The following MUC5AC variants were observed in gnomAD, a reference collection of about 807,000 sequenced individuals.
MUC5AC encodes mucin 5AC, oligomeric mucus/gel-forming, also known as mucin-5AC.
MUC5AC carries 158 observed loss-of-function variants against 169.7 expected under a neutral mutation model. That is an observed-to-expected ratio of 0.93 (90% confidence interval 0.82 to 1.06). The LOEUF (loss-of-function observed/expected upper bound fraction) is 1.06, where lower values mean the gene tolerates loss of function less well. MUC5AC is among the 50% of genes least tolerant of loss of function. The probability of loss-of-function intolerance (pLI) is 0.00; values close to 1 mark genes in which losing one functional copy is unlikely to be tolerated. For synonymous variants in MUC5AC, 1,975 were observed against 1,237.0 expected (o/e 1.60, Z -12.52); for missense variants, 4,359 against 3,089.9 (o/e 1.41, Z -9.74).
intron 11 of MUC5AC, 43 bp from the exon 12 acceptor site, chr11:1,167,834 G>A (rs1048366396): frequency 1.8e-5 from 27 of 1,511,758 alleles, no homozygotes; most frequent in Middle Eastern, 2.0e-4. Context: ...TGGGCTGGGC[G>A]TTGGATGGAG....
At chr11:1,158,181 G>T in intron 1 of MUC5AC, 109 bp downstream of exon 1, 1 of 993,046 alleles carries the variant, frequency 1.0e-6, no homozygotes, top group South Asian at 1.5e-5. Flanking sequence ...CATGTGCCAT[G>T]AACGGCTCCC....
At chr11:1,198,239 G>C in intron 42 of MUC5AC, 29 bp from the exon 43 acceptor site, 1 of 743,352 alleles carries the variant, frequency 1.3e-6, no homozygotes, top group Non-Finnish European at 2.5e-6. Context: ...GGCGGCGGGG[G>C]GTGCAGCTGC....
chr11:1,181,744 G>T (rs2133751495), intron 30 of MUC5AC, among the ~76,000 whole-genome samples: 1 of 152,344 alleles, frequency 6.6e-6, no homozygotes, highest in East Asian at 1.9e-4. Flanking sequence ...GGTGTCAGGG[G>T]TCTGGCAGCC....
rs569068445 is a variant in MUC5AC at position 1,192,057 on chromosome 11, G to C, written c.13912G>C (p.Asp4638His). 1.3e-6 allele frequency: 1 copy of C among 765,100 alleles called. No individual in the cohort carries two copies. The allele number at this position is 765,100 out of a possible 1,614,324, so 47.4% of individuals were successfully genotyped here. Residue 4638 changes from aspartate (D) to histidine (H), a missense_variant, in exon 31 of 49, where the codon GAC becomes CAC. Coordinates refer to ENST00000621226, the MANE Select transcript of MUC5AC (RefSeq NM_001304359.2). ...HPLCAWTKWFDVDFPSPGPHG... is the reference protein window; with the variant it reads ...HPLCAWTKWFHVDFPSPGPHG... ...TCTGTGCGCCTGGACAAAGTGGTTC[G>C]ACGTGGACTTCCCATCCCCTGGACC...
intron 12 of MUC5AC, 25 bp downstream of exon 12, chr11:1,168,012 C>A (rs1190744209): frequency 1.3e-6 from 2 of 1,537,830 alleles, no homozygotes; most frequent in East Asian, 2.4e-5. Flanking sequence ...GCAGGGCAAA[C>A]CCCGGGAAGA....
intron 1 of MUC5AC, among the ~76,000 whole-genome samples, chr11:1,159,329 G>A (rs749320948): frequency 3.9e-5 from 6 of 152,146 alleles, no homozygotes; most frequent in East Asian, 3.9e-4. Context: ...GGGCTGGGCC[G>A]GGCGCCCCTC....
Position 1,199,069 on chromosome 11 carries a change from T to G in MUC5AC, c.16297-18T>G. ...AGCGGTCGCCTGGATTCCAGCCACA[T>G]GTCCATCCCTCCCGCAGGGCTTCGA... On this transcript the variant is annotated intron_variant, in intron 44 of 48. Coordinates refer to ENST00000621226, the MANE Select transcript of MUC5AC (RefSeq NM_001304359.2). The G allele has an allele frequency of 1.3e-6, 1 of 763,900 alleles. No homozygotes were observed. The highest frequency in any genetic ancestry group is 2.4e-6 in the Non-Finnish European group (1 of 417,354). 47.3% of individuals were successfully genotyped at this position (763,900 alleles called of 1,614,324 possible).
At position 1,164,201 on chromosome 11, in the gene MUC5AC, C is replaced by T; in HGVS notation, c.885C>T (p.Leu295=). 1 of 1,612,618 alleles carries T rather than the reference C, an allele frequency of 6.2e-7. No individual in the cohort carries two copies. Among genetic ancestry groups the T allele is most frequent in the Middle Eastern group, 1.6e-4 (1 of 6,062 alleles). The change falls in exon 8 of 49, where the codon CTC becomes CTT. Residue 295 remains leucine, a synonymous_variant. Coordinates refer to ENST00000621226, the MANE Select transcript of MUC5AC (RefSeq NM_001304359.2). ...ACCTGGAGGCTTGCAGGCAAGACCTCTGCTTCTGTGAAGACACCGACCTGC... is the reference window on the plus strand; with the variant it reads ...ACCTGGAGGCTTGCAGGCAAGACCTTTGCTTCTGTGAAGACACCGACCTGC... ...GSYLEACRQD[L]CFCEDTDLLS... is the part of the protein sequence containing the mutation.
chr11:1,188,924 C>G lies in MUC5AC; in HGVS notation c.10779C>G (p.Gly3593=). The G allele has an allele frequency of 1.3e-6, 1 of 751,852 alleles. No individual in the cohort carries two copies. Among genetic ancestry groups the G allele is most frequent in the East Asian group, 2.4e-5 (1 of 41,142 alleles). 46.6% of individuals were successfully genotyped at this position (751,852 alleles called of 1,614,324 possible). The change falls in exon 31 of 49, where the codon GGC becomes GGG. Residue 3593 remains glycine, a synonymous_variant. Transcript: ENST00000621226. ...TGGTGCAGTGCAGCCGCGAAGAGGGCCTGGTGTGCCGGAACCAGGACCAGC... is the reference window on the plus strand; with the variant it reads ...TGGTGCAGTGCAGCCGCGAAGAGGGGCTGGTGTGCCGGAACCAGGACCAGC... The part of the protein sequence containing the change: ...GQVVQCSREE[G]LVCRNQDQQG...
At position 1,185,975 on chromosome 11, in the gene MUC5AC, C is replaced by G. The variant is rs1169860406; in HGVS notation, c.7830C>G (p.Thr2610=). Residue 2610 remains threonine, a synonymous_variant, in exon 31 of 49, where the codon ACC becomes ACG. Transcript: ENST00000621226. ...PTTSITSAPT[T]STNSAPISST... ...CCAGCATAACCTCTGCACCTACAAC[C>G]AGCACAAACTCTGCCCCTATAAGCA... 4 of 733,406 alleles carry G rather than the reference C, an allele frequency of 5.5e-6. No individual in the cohort carries two copies. The highest frequency in any genetic ancestry group is 7.5e-6 in the Non-Finnish European group (3 of 402,232). The allele number at this position is 733,406 out of a possible 1,614,324, so 45.4% of individuals were successfully genotyped here. A position where few individuals can be genotyped will look rare whatever the true frequency, so the allele number is the denominator to read the frequency against.
At chr11:1,199,255 T>C in intron 45 of MUC5AC, 70 bp downstream of exon 45, 1 of 708,086 alleles carries the variant, frequency 1.4e-6, no homozygotes, top group Non-Finnish European at 2.6e-6. Flanking sequence ...GACCTGTCGT[T>C]GCCAGGCATG....
intron 21 of MUC5AC, 105 bp from the exon 22 acceptor site, chr11:1,176,823 T>G (rs1590141556): frequency 2.5e-5 from 10 of 398,492 alleles, no homozygotes; most frequent in Non-Finnish European, 4.0e-5. Context: ...GGAGGCCCAG[T>G]GGGCGCGTGT....
Position 1,191,079 on chromosome 11 carries a change from A to G in MUC5AC, c.12934A>G (p.Ser4312Gly). 1 of 713,170 alleles carries G rather than the reference A, an allele frequency of 1.4e-6. No individual in the cohort carries two copies. The highest frequency in any genetic ancestry group is 2.6e-6 in the Non-Finnish European group (1 of 388,992). 44.2% of individuals were successfully genotyped at this position (713,170 alleles called of 1,614,324 possible). ...CAGCACAACCTCTGCTCCTACAACT[A>G]GCACAACCTCTGGTCCTGGAACTAC... Reference protein sequence around the residue: ...TTSTTSAPTTSTTSGPGTTPS... With the variant: ...TTSTTSAPTTGTTSGPGTTPS... The change falls in exon 31 of 49, where the codon AGC (serine) becomes GGC (glycine). Residue 4312 changes from serine (S) to glycine (G), a missense_variant. Coordinates refer to ENST00000621226, the MANE Select transcript of MUC5AC (RefSeq NM_001304359.2).
At position 1,199,111 on chromosome 11, in the gene MUC5AC, G is replaced by A. The variant is rs763222120; in HGVS notation, c.16321G>A (p.Gly5441Arg). ...GGGCTTCGAGTACCAGGAGCAGAGC[G>A]GGCAGTGCTGTGGCACCTGTGTGCA... ...PVGFEYQEQSGQCCGTCVQVA... is the reference protein window; with the variant it reads ...PVGFEYQEQSRQCCGTCVQVA... Residue 5441 changes from glycine (G) to arginine (R), a missense_variant, in exon 45 of 49, where the codon GGG becomes AGG. Transcript: ENST00000621226. The A allele has an allele frequency of 5.2e-6, 4 of 764,672 alleles. No homozygotes were observed. Among genetic ancestry groups the A allele is most frequent in the East Asian group, 4.9e-5 (2 of 41,236 alleles). 47.4% of individuals were successfully genotyped at this position (764,672 alleles called of 1,614,324 possible).
chr11:1,194,823 G>A (rs1861219402), intron 35 of MUC5AC, among the ~76,000 whole-genome samples, 153 bp downstream of exon 35: 1 of 152,124 alleles, frequency 6.6e-6, no homozygotes, highest in African/African-American at 2.4e-5. Flanking sequence ...TACGCCTGCC[G>A]GTACCTGCAG....
chr11:1,173,556 T>A, intron 16 of MUC5AC, among the ~76,000 whole-genome samples: 1 of 138,612 alleles, frequency 7.2e-6, no homozygotes, highest in Non-Finnish European at 1.5e-5. Flanking sequence ...CACTAATTCC[T>A]TCACCTACTC....
rs1861055890 is a variant in MUC5AC, at chr11:1,190,318, C to A, written c.12173C>A (p.Pro4058His). 49 of 674,936 alleles carry A rather than the reference C, an allele frequency of 7.3e-5. No individual in the cohort carries two copies. The South Asian group carries it at 7.6e-4, about 10-fold the overall frequency. 41.8% of individuals were successfully genotyped at this position (674,936 alleles called of 1,614,324 possible). A position where few individuals can be genotyped will look rare whatever the true frequency, so the allele number is the denominator to read the frequency against. The change falls in exon 31 of 49, where the codon CCC becomes CAC. Residue 4058 changes from proline (P) to histidine (H), a missense_variant. Physicochemically the swap from Pro to His is moderately conservative, Grantham distance 77 (BLOSUM62 -2). Transcript: ENST00000621226. ...VLCCETPKGC[P>H]VTSTPVTAPS... ...TGCTGCGAGACCCCCAAAGGCTGCC[C>A]CGTGACCTCCACACCTGTGACAGCT...
Position 1,172,463 on chromosome 11 carries a change from C to G in MUC5AC, c.1905C>G (p.Thr635=), listed in dbSNP as rs948812174. ...CTCAGCACTGGTGCTCGCAGCTGACCGATGCCGACGGCCCCTTCGGCCGGT... is the reference window on the plus strand; with the variant it reads ...CTCAGCACTGGTGCTCGCAGCTGACGGATGCCGACGGCCCCTTCGGCCGGT... The part of the protein sequence containing the change: ...KYAQHWCSQL[T]DADGPFGRCH... Residue 635 remains threonine, a synonymous_variant, in exon 16 of 49, where the codon ACC becomes ACG. Coordinates refer to ENST00000621226, the MANE Select transcript of MUC5AC (RefSeq NM_001304359.2). 1.0e-5 allele frequency: 4 copies of G among 398,696 alleles called. 1 individual carries two copies. The highest frequency in any genetic ancestry group is 4.4e-5 in the Admixed American group (1 of 22,744). 24.7% of individuals were successfully genotyped at this position (398,696 alleles called of 1,614,324 possible). A position where few individuals can be genotyped will look rare whatever the true frequency, so the allele number is the denominator to read the frequency against.
In MUC5AC at chr11:1,185,699, T is replaced by C. The variant is rs1860924613; in HGVS notation, c.7554T>C (p.Ser2518=). ...TTSAPTTSTT[S]ASTTSTTSGA... is the part of the protein sequence containing the mutation. ...CTGCTCCTACAACCAGCACAACCTC[T>C]GCTTCTACAACCAGCACAACCTCTG... The change falls in exon 31 of 49, where the codon TCT becomes TCC. Residue 2518 remains serine, a synonymous_variant. Transcript: ENST00000621226. 2 of 744,046 alleles carry C rather than the reference T, an allele frequency of 2.7e-6. No individual in the cohort carries two copies. The highest frequency in any genetic ancestry group is 2.5e-5 in the East Asian group (1 of 40,266). The allele number at this position is 744,046 out of a possible 1,614,324, so 46.1% of individuals were successfully genotyped here.
Sources: gnomAD v4.1 joint callset for allele counts (sites outside exome capture counted in the v4.1 genomes callset) on GRCh38, gnomAD v4.1.1 for gene constraint, MANE v1.5 for transcripts, NCBI Gene and HGNC (gene_info 2026-07-23, HGNC 2026-07-21) for gene names.